The following ALK variants were observed in gnomAD, a reference collection of about 807,000 sequenced individuals.
ALK encodes ALK tyrosine kinase receptor.
ALK carries 74 observed loss-of-function variants against 163.1 expected under a neutral mutation model. The ratio of observed to expected loss-of-function variants is 0.45; its 90% confidence interval spans 0.38 to 0.55. The LOEUF is 0.55. Among genes scored for constraint, ALK ranks in the 20% least tolerant of loss-of-function variants. The pLI, the probability that ALK is intolerant of heterozygous loss-of-function variation, is 0.00. For synonymous variants in ALK, 960 were observed against 843.2 expected (o/e 1.14, Z -2.40); for missense variants, 2,063 against 2,105.3 (o/e 0.98, Z 0.39).
chr2:29,569,866 T>C (rs1674306542), intron 3 of ALK, among the ~76,000 whole-genome samples: 1 of 152,208 alleles, frequency 6.6e-6, no homozygotes, highest in African/African-American at 2.4e-5. Context: ...GGTTCCAGGT[T>C]GTCCCCCTTC....
intron 15 of ALK, among the ~76,000 whole-genome samples, chr2:29,231,738 T>C (rs1187461540): frequency 6.6e-6 from 1 of 152,230 alleles, no homozygotes; most frequent in Non-Finnish European, 1.5e-5. Context: ...TTTCTGTCTT[T>C]AGGGGTGGCT....
At chr2:29,543,781 T>C in intron 3 of ALK, among the ~76,000 whole-genome samples, 1 of 152,228 alleles carries the variant, frequency 6.6e-6, no homozygotes, top group East Asian at 1.9e-4. Context: ...TTCTGTCTCC[T>C]CTATGTGCTC....
rs534989640 is a variant in ALK at position 29,640,747 on chromosome 2, G to T, written c.952+54103C>A. On this transcript the variant is annotated intron_variant, in intron 3 of 28. Coordinates refer to ENST00000389048, the MANE Select transcript of ALK (RefSeq NM_004304.5). ...TGTCCTTTTGGGGCTTACTATTAGT[G>T]GGGGAAGAAATACATTAAGCAAGTA... 4.4e-3 allele frequency among the ~76,000 whole-genome samples: 666 copies of T among 152,238 alleles called. 4 individuals are homozygous for T. The highest frequency in any genetic ancestry group is 0.015 in the African/African-American group (611 of 41,540).
chr2:29,449,453 C>G (rs768852232), intron 4 of ALK, among the ~76,000 whole-genome samples: 2 of 152,186 alleles, frequency 1.3e-5, no homozygotes, highest in African/African-American at 2.4e-5. Context: ...TTGGCAAATT[C>G]ATCACTAGGA....
intron 3 of ALK, among the ~76,000 whole-genome samples, chr2:29,539,053 C>G (rs1370995088): frequency 6.6e-6 from 1 of 151,912 alleles, no homozygotes; most frequent in East Asian, 1.9e-4. Context: ...TTCCACACCC[C>G]CCTCCCAAAT....
intron 4 of ALK, among the ~76,000 whole-genome samples, chr2:29,442,218 C>A (rs1016808571): frequency 6.6e-6 from 1 of 152,016 alleles, no homozygotes; most frequent in Non-Finnish European, 1.5e-5. Context: ...TGCACTGAAT[C>A]CAAAAACCTT....
intron 1 of ALK, among the ~76,000 whole-genome samples, chr2:29,830,412 G>A (rs1665334062): frequency 6.6e-6 from 1 of 152,060 alleles, no homozygotes. Flanking sequence ...TAGAATGTAG[G>A]AAGACCCTAC....
At position 29,381,777 on chromosome 2, in the gene ALK, T is replaced by TAGAC. The variant is rs148599799; in HGVS notation, c.1282+1951_1282+1954dup. Among the ~76,000 whole-genome samples, 70 of 152,340 alleles carry TAGAC rather than the reference T, an allele frequency of 4.6e-4. No homozygotes were observed. The East Asian group carries it at 0.014, about 29-fold the overall frequency. On this transcript the variant is annotated intron_variant, in intron 5 of 28. Transcript: ENST00000389048. ...AACATAGACATTTGCCTACATCGAA[T>TAGAC]AGACATTGAGTATGCCTTTAAAGTA...
rs1344221011 is a variant in ALK, at chr2:29,647,540, T to A, written c.952+47310A>T. Among the ~76,000 whole-genome samples, 3 of 152,310 alleles carry A rather than the reference T, an allele frequency of 2.0e-5. No homozygotes were observed. In the East Asian group the frequency reaches 5.8e-4, roughly 29 times the overall value. On this transcript the variant is annotated intron_variant, in intron 3 of 28. Coordinates refer to ENST00000389048, the MANE Select transcript of ALK (RefSeq NM_004304.5). ...CTTTGTAATTATAGGTAGACTCATA[T>A]ATAGAACAGAGCATCTCTATTTGAA... is the stretch of plus-strand genomic sequence containing the variant.
intron 4 of ALK, among the ~76,000 whole-genome samples, chr2:29,524,801 T>C (rs1006661617): frequency 1.3e-5 from 2 of 151,266 alleles, no homozygotes; most frequent in African/African-American, 4.9e-5. Flanking sequence ...GATGAATGGA[T>C]TGATGGATGG....
chr2:29,681,485 G>C (rs1227889002), intron 3 of ALK, among the ~76,000 whole-genome samples: 1 of 152,090 alleles, frequency 6.6e-6, no homozygotes. Flanking sequence ...TTCTTTTCTT[G>C]CTTTGCGTAT....
At chr2:29,741,862 C>G (rs536893318) in intron 1 of ALK, among the ~76,000 whole-genome samples, 3 of 152,178 alleles carry the variant, frequency 2.0e-5, no homozygotes, top group Non-Finnish European at 4.4e-5. Context: ...CTGGCAGTTA[C>G]GTGACTGGGG....
chr2:29,373,068 C>T (rs1668675335), intron 5 of ALK, among the ~76,000 whole-genome samples: 2 of 152,198 alleles, frequency 1.3e-5, no homozygotes, highest in Non-Finnish European at 2.9e-5. Flanking sequence ...CCTTCCCCAT[C>T]ACCAGCTGGA....
chr2:29,750,600 TGAGTG>T (rs1680329432), intron 1 of ALK, among the ~76,000 whole-genome samples: 1 of 144,046 alleles, frequency 6.9e-6, no homozygotes, highest in Non-Finnish European at 1.5e-5. Flanking sequence ...GTTGATTGCT[TGAGTG>T]GAGTGGAGTG....
chr2:29,632,390 G>A (rs912724254), intron 3 of ALK, among the ~76,000 whole-genome samples: 3 of 152,064 alleles, frequency 2.0e-5, no homozygotes, highest in Admixed American at 1.3e-4. Flanking sequence ...GGTAATTAAG[G>A]TTACATTTAG....
chr2:29,550,307 G>A (rs115180767), intron 3 of ALK, among the ~76,000 whole-genome samples: 1,537 of 152,290 alleles, frequency 0.01, 18 homozygotes, highest in Non-Finnish European at 0.016. Flanking sequence ...GCTCAAGATG[G>A]TGTAGACTGA....
chr2:29,707,652 T>A (rs34766989), intron 2 of ALK, among the ~76,000 whole-genome samples: 1,763 of 152,298 alleles, frequency 0.012, 23 homozygotes, highest in Non-Finnish European at 0.017. Context: ...GAAGCTGAAC[T>A]GCATGAATTA....
chr2:29,226,580 G>A (rs541128124), intron 18 of ALK, among the ~76,000 whole-genome samples: 1 of 151,948 alleles, frequency 6.6e-6, no homozygotes, highest in South Asian at 2.1e-4. Context: ...GGAGAGGAAG[G>A]TTAAGGCAAC....
At chr2:29,601,191 G>A (rs1361393560) in intron 3 of ALK, among the ~76,000 whole-genome samples, 1 of 152,222 alleles carries the variant, frequency 6.6e-6, no homozygotes, top group Admixed American at 6.5e-5. Flanking sequence ...ATATCAGGGA[G>A]TGAAGGGGCA....
Sources: allele counts gnomAD v4.1 joint callset (sites outside exome capture counted in the v4.1 genomes callset), GRCh38; gene constraint gnomAD v4.1.1; transcripts MANE v1.5; gene names NCBI Gene and HGNC (gene_info 2026-07-23, HGNC 2026-07-21).